Variants in BMPR1A observed in about 807,000 individuals in gnomAD.
The protein encoded by BMPR1A is bone morphogenetic protein receptor type 1A, also known as bone morphogenetic protein receptor type-1A.
A neutral mutation model predicts 66.0 loss-of-function variants in BMPR1A; 7 were observed. The ratio of observed to expected loss-of-function variants is 0.11; its 90% confidence interval spans 0.06 to 0.20. The LOEUF (loss-of-function observed/expected upper bound fraction) is 0.20. Among genes scored for constraint, BMPR1A ranks in the 10% least tolerant of loss-of-function variants. The probability of loss-of-function intolerance (pLI) is 1.00; values close to 1 mark genes in which losing one functional copy is unlikely to be tolerated. For synonymous variants in BMPR1A, 200 were observed against 229.7 expected, an observed-to-expected ratio of 0.87 and a Z score of 1.17; for missense variants, 408 against 669.1, an observed-to-expected ratio of 0.61 and a Z score of 4.31.
intron 7 of BMPR1A, among the ~76,000 whole-genome samples, chr10:86,906,992 C>G (rs1267114137): frequency 1.3e-5 from 2 of 151,814 alleles, no homozygotes; most frequent in East Asian, 3.9e-4. Flanking sequence ...ATCAAACATT[C>G]TTCATCTTTA....
intron 1 of BMPR1A, among the ~76,000 whole-genome samples, chr10:86,772,487 T>C (rs531718458): frequency 7.9e-4 from 121 of 152,248 alleles, no homozygotes; most frequent in Non-Finnish European, 1.5e-3. Context: ...ATAAATGACC[T>C]TGGGTAGGTG....
At chr10:86,836,646 A>C (rs1240837118) in intron 1 of BMPR1A, among the ~76,000 whole-genome samples, 1 of 152,150 alleles carries the variant, frequency 6.6e-6, no homozygotes, top group Non-Finnish European at 1.5e-5. Context: ...AAAAATATAA[A>C]AATTAACCTG....
intron 1 of BMPR1A, among the ~76,000 whole-genome samples, chr10:86,826,956 TTAGA>T (rs1210293227): frequency 4.9e-4 from 74 of 151,434 alleles, no homozygotes; most frequent in Non-Finnish European, 7.4e-5. Flanking sequence ...CATGTCTGCT[TTAGA>T]TAGGTTTAAT....
At chr10:86,842,121 T>TG (rs1417884557) in intron 2 of BMPR1A, among the ~76,000 whole-genome samples, 1 of 152,162 alleles carries the variant, frequency 6.6e-6, no homozygotes, top group African/African-American at 2.4e-5. Context: ...GGCTTGCCAT[T>TG]GGCATTGGAA....
chr10:86,831,880 A>C (rs961312192), intron 1 of BMPR1A, among the ~76,000 whole-genome samples: 12 of 152,276 alleles, frequency 7.9e-5, no homozygotes, highest in African/African-American at 2.9e-4. Flanking sequence ...ACTTATTTAG[A>C]AGTGTATTGA....
intron 1 of BMPR1A, among the ~76,000 whole-genome samples, chr10:86,797,466 C>T (rs1373943950): frequency 6.6e-6 from 1 of 151,884 alleles, no homozygotes; most frequent in African/African-American, 2.4e-5. Context: ...CTCCTGGCCT[C>T]GTGATTCGCC....
intron 1 of BMPR1A, among the ~76,000 whole-genome samples, chr10:86,763,931 C>T: frequency 6.6e-6 from 1 of 152,066 alleles, no homozygotes; most frequent in East Asian, 1.9e-4. Context: ...GCTGGGACCA[C>T]AGGAGCCCGC....
intron 2 of BMPR1A, among the ~76,000 whole-genome samples, chr10:86,853,268 G>A (rs1564703726): frequency 1.3e-5 from 2 of 151,468 alleles, no homozygotes; most frequent in African/African-American, 4.8e-5. Context: ...TCAGAGATAA[G>A]CCTTTGGCCC....
chr10:86,919,597 G>T, intron 10 of BMPR1A, 128 bp downstream of exon 10: 1 of 1,264,046 alleles, frequency 7.9e-7, no homozygotes, highest in Non-Finnish European at 1.1e-6. Flanking sequence ...TAAATGTATA[G>T]TTGGGGGGGA....
intron 9 of BMPR1A, 121 bp downstream of exon 9, chr10:86,917,447 C>A: frequency 1.7e-6 from 2 of 1,197,506 alleles, no homozygotes; most frequent in Non-Finnish European, 2.4e-6. Flanking sequence ...CTAAAGGAAA[C>A]CTAGTAGAAT....
chr10:86,866,685 G>A (rs377574718), intron 2 of BMPR1A, among the ~76,000 whole-genome samples: 369 of 150,612 alleles, frequency 2.4e-3, no homozygotes, highest in African/African-American at 8.3e-3. Flanking sequence ...GTTTCTTTGC[G>A]CTTCATTTTT....
chr10:86,850,319 CA>C (rs200883215), intron 2 of BMPR1A, among the ~76,000 whole-genome samples: 41 of 131,060 alleles, frequency 3.1e-4, no homozygotes, highest in Middle Eastern at 3.8e-3. Context: ...GACTCCATTT[CA>C]AAAAAAAAAA....
chr10:86,813,086 C>T (rs1841992162), intron 1 of BMPR1A, among the ~76,000 whole-genome samples: 1 of 152,100 alleles, frequency 6.6e-6, no homozygotes. Flanking sequence ...GAATTTGGTT[C>T]CCTATCTTCT....
intron 1 of BMPR1A, among the ~76,000 whole-genome samples, chr10:86,760,248 CTTTTTT>C (rs60211336): frequency 3.5e-4 from 6 of 17,010 alleles, no homozygotes; most frequent in Non-Finnish European, 4.4e-4. Flanking sequence ...TTCTTTCTTT[CTTTTTT>C]TTTTTTTTTT....
At chr10:86,882,737 G>A (rs1843006742) in intron 3 of BMPR1A, among the ~76,000 whole-genome samples, 1 of 151,516 alleles carries the variant, frequency 6.6e-6, no homozygotes, top group South Asian at 2.1e-4. Context: ...GGCTGAGACG[G>A]GCGGATCACC....
At chr10:86,880,976 G>C (rs1438404425) in intron 3 of BMPR1A, among the ~76,000 whole-genome samples, 1 of 152,128 alleles carries the variant, frequency 6.6e-6, no homozygotes, top group East Asian at 1.9e-4. Context: ...CAAGGCAGGA[G>C]GATCACTTGA....
intron 1 of BMPR1A, among the ~76,000 whole-genome samples, chr10:86,831,958 T>C (rs1227283647): frequency 6.6e-6 from 1 of 152,210 alleles, no homozygotes; most frequent in Non-Finnish European, 1.5e-5. Flanking sequence ...AGTAAAATGC[T>C]ATGGCTATAC....
intron 1 of BMPR1A, among the ~76,000 whole-genome samples, chr10:86,773,393 A>G (rs1044340019): frequency 1.3e-5 from 2 of 152,126 alleles, no homozygotes; most frequent in Non-Finnish European, 2.9e-5. Flanking sequence ...GTTTGAGACT[A>G]GCCTAGCTAA....
rs945223846 is a variant in BMPR1A, at chr10:86,891,663, T to G, written c.231-464T>G. Among the ~76,000 whole-genome samples the G allele has an allele frequency of 3.3e-5, 5 of 151,920 alleles. No homozygotes were observed. In the East Asian group the frequency reaches 7.7e-4, roughly 23 times the overall value. ...CAGTAAAAGGTGCCTTTTAGTCCCC[T>G]TTTTTTTGGTCATTAAGCCTATTTG... On this transcript the variant is annotated intron_variant, in intron 4 of 12. Transcript: ENST00000372037.
Sources: gnomAD v4.1 joint callset for allele counts (sites outside exome capture counted in the v4.1 genomes callset) on GRCh38, gnomAD v4.1.1 for gene constraint, MANE v1.5 for transcripts, NCBI Gene and HGNC (gene_info 2026-07-23, HGNC 2026-07-21) for gene names.